The following HHAT variants were observed in gnomAD, a reference collection of about 807,000 sequenced individuals.
HHAT encodes the protein hedgehog acyltransferase, also known as protein-cysteine N-palmitoyltransferase HHAT.
A neutral mutation model predicts 70.8 loss-of-function variants in HHAT; 47 were observed. The ratio of observed to expected loss-of-function variants is 0.66; its 90% CI spans 0.53 to 0.85. The LOEUF (loss-of-function observed/expected upper bound fraction) is 0.85, where lower values mean the gene tolerates loss of function less well. Among genes scored for constraint, HHAT ranks in the 40% least tolerant of loss-of-function variants. The pLI is 0.00. For missense variants in HHAT, 609 were observed against 604.8 expected (o/e 1.01, Z -0.07); for synonymous variants, 228 against 247.6 (o/e 0.92, Z 0.74).
rs1672803968 is a variant in HHAT at position 210,640,655 on chromosome 1, C to T, written c.1390+16985C>T. Among the ~76,000 whole-genome samples, 3 of 151,066 alleles carry T rather than the reference C, an allele frequency of 2.0e-5. No individual in the cohort carries two copies. In the Admixed American group the frequency reaches 2.0e-4, roughly 10 times the overall value. On this transcript the variant is annotated intron_variant, in intron 11 of 11. Transcript: ENST00000261458. ...ATTCAAAACATGCGTGCGTGTAACC[C>T]CCGCACTCCGCCCCCCACTGCCCCC...
At chr1:210,566,130 A>C (rs1654683217) in intron 9 of HHAT, among the ~76,000 whole-genome samples, 1 of 152,198 alleles carries the variant, frequency 6.6e-6, no homozygotes, top group African/African-American at 2.4e-5. Flanking sequence ...GTTTAGGTTC[A>C]CAAACATGAC....
At chr1:210,515,664 A>G (rs2095042183) in intron 9 of HHAT, among the ~76,000 whole-genome samples, 1 of 149,972 alleles carries the variant, frequency 6.7e-6, no homozygotes, top group Admixed American at 6.8e-5. Context: ...AGGCTGAGGC[A>G]GGAGAATGGC....
At chr1:210,601,692 C>T (rs554644868) in intron 10 of HHAT, among the ~76,000 whole-genome samples, 2 of 152,032 alleles carry the variant, frequency 1.3e-5, no homozygotes, top group Admixed American at 6.6e-5. Flanking sequence ...TGCCTGGCCT[C>T]CTATCAGAGT....
chr1:210,482,700 T>A (rs891891248), intron 8 of HHAT, among the ~76,000 whole-genome samples: 3 of 152,178 alleles, frequency 2.0e-5, no homozygotes, highest in Non-Finnish European at 2.9e-5. Flanking sequence ...ACTGCTATAA[T>A]GAATACAGAA....
chr1:210,466,769 A>ATT (rs11376201), intron 8 of HHAT, among the ~76,000 whole-genome samples: 45,677 of 150,976 alleles, frequency 0.3, 8,022 homozygotes, highest in South Asian at 0.4. Flanking sequence ...TATTTTAATA[A>ATT]TTTTTTTTTT....
intron 7 of HHAT, among the ~76,000 whole-genome samples, chr1:210,449,576 G>T (rs867461008): frequency 1.3e-5 from 2 of 152,142 alleles, no homozygotes; most frequent in Non-Finnish European, 2.9e-5. Context: ...TGCTTCCCCT[G>T]AGTCCTCAGG....
intron 11 of HHAT, among the ~76,000 whole-genome samples, chr1:210,664,849 A>G (rs1678552489): frequency 6.6e-6 from 1 of 152,264 alleles, no homozygotes; most frequent in South Asian, 2.1e-4. Context: ...TTTTAATGTC[A>G]GGTATAGTCT....
intron 11 of HHAT, among the ~76,000 whole-genome samples, chr1:210,641,691 C>T (rs147630413): frequency 6.6e-5 from 10 of 152,310 alleles, no homozygotes; most frequent in African/African-American, 2.4e-4. Flanking sequence ...TAAGTGAATG[C>T]AGAAAACTTC....
At chr1:210,557,541 A>G (rs911351657) in intron 9 of HHAT, among the ~76,000 whole-genome samples, 2 of 152,154 alleles carry the variant, frequency 1.3e-5, no homozygotes, top group South Asian at 4.1e-4. Flanking sequence ...CAAGACTGGG[A>G]ATAAAAAGAG....
At chr1:210,515,235 C>T (rs184920133) in intron 9 of HHAT, among the ~76,000 whole-genome samples, 4 of 152,262 alleles carry the variant, frequency 2.6e-5, no homozygotes, top group Admixed American at 2.0e-4. Flanking sequence ...TGCAGGCATC[C>T]CTAGCCTCTG....
chr1:210,454,184 G>T (rs188304158), intron 7 of HHAT, among the ~76,000 whole-genome samples: 1 of 152,218 alleles, frequency 6.6e-6, no homozygotes, highest in East Asian at 1.9e-4. Context: ...GATTTGGGTG[G>T]GGACACAGCC....
At chr1:210,544,367 G>GTTTTTTT (rs569514246) in intron 9 of HHAT, among the ~76,000 whole-genome samples, 2 of 90,058 alleles carry the variant, frequency 2.2e-5, no homozygotes, top group African/African-American at 8.6e-5. Context: ...TCTTTCTTTC[G>GTTTTTTT]TTTTTTTTTT....
chr1:210,515,384 A>G (rs2095036549), intron 9 of HHAT, among the ~76,000 whole-genome samples: 1 of 152,092 alleles, frequency 6.6e-6, no homozygotes, highest in South Asian at 2.1e-4. Context: ...GGTGGCTGGG[A>G]GCAGAGTCAG....
chr1:210,583,947 A>ATTTT (rs371722219), intron 9 of HHAT, among the ~76,000 whole-genome samples: 8,647 of 88,926 alleles, frequency 0.097, 1,070 homozygotes, highest in Non-Finnish European at 0.11. Flanking sequence ...AGTGCAGCTA[A>ATTTT]TTTTTTTTTT....
intron 2 of HHAT, among the ~76,000 whole-genome samples, chr1:210,360,732 A>G (rs1288357277): frequency 6.6e-6 from 1 of 152,174 alleles, no homozygotes; most frequent in African/African-American, 2.4e-5. Context: ...TGACATGTAA[A>G]TAGGATTATA....
intron 9 of HHAT, among the ~76,000 whole-genome samples, chr1:210,567,478 C>T (rs1046511867): frequency 2.0e-5 from 3 of 152,168 alleles, no homozygotes; most frequent in African/African-American, 7.2e-5. Context: ...ACCTGGTTCA[C>T]AGTGAGCAGT....
At chr1:210,536,078 C>T (rs116711452) in intron 9 of HHAT, among the ~76,000 whole-genome samples, 73 of 152,314 alleles carry the variant, frequency 4.8e-4, no homozygotes, top group Middle Eastern at 3.4e-3. Context: ...ATTTGGCTGC[C>T]TCAATGTGGT....
At chr1:210,589,992 T>C (rs1661302969) in intron 10 of HHAT, 1 of 152,224 alleles carries the variant, frequency 6.6e-6, no homozygotes, top group Admixed American at 6.5e-5. Context: ...AAACTTATTT[T>C]TATCACCTAC....
intron 3 of HHAT, among the ~76,000 whole-genome samples, chr1:210,365,737 T>C (rs1216774332): frequency 1.3e-5 from 2 of 151,538 alleles, no homozygotes; most frequent in Non-Finnish European, 2.9e-5. Context: ...TGCCTCAGTC[T>C]CTTGAGTAGC....
Sources: gnomAD v4.1 joint callset for allele counts (sites outside exome capture counted in the v4.1 genomes callset) on GRCh38, gnomAD v4.1.1 for gene constraint, MANE v1.5 for transcripts, NCBI Gene and HGNC (gene_info 2026-07-23, HGNC 2026-07-21) for gene names.